The following FBXL7 variants were observed in gnomAD, a reference collection of about 807,000 sequenced individuals.
FBXL7 encodes F-box/LRR-repeat protein 7.
Under a neutral mutation model 38.3 loss-of-function variants are expected in FBXL7, and 12 were observed. The observed-to-expected ratio is 0.31, with a 90% CI of 0.20 to 0.51. The LOEUF is 0.51. Ranked by LOEUF, FBXL7 falls within the 20% of genes least tolerant of loss-of-function variation. FBXL7 has a pLI of 0.98. For synonymous variants in FBXL7, 297 were observed against 300.9 expected, an observed-to-expected ratio of 0.99 and a Z score of 0.13; for missense variants, 567 against 676.4, an observed-to-expected ratio of 0.84 and a Z score of 1.79.
chr5:15,508,401 A>G (rs2126351613), intron 1 of FBXL7, among the ~76,000 whole-genome samples: 1 of 152,312 alleles, frequency 6.6e-6, no homozygotes, highest in East Asian at 1.9e-4. Context: ...TAGACTTCAG[A>G]GTGCTGAACA....
At chr5:15,895,696 T>C (rs1000700708) in intron 2 of FBXL7, among the ~76,000 whole-genome samples, 3 of 139,020 alleles carry the variant, frequency 2.2e-5, no homozygotes, top group African/African-American at 8.3e-5. Flanking sequence ...GGCTCTGGAG[T>C]GCAGTGGCGC....
At chr5:15,749,781 C>G (rs1736109581) in intron 2 of FBXL7, among the ~76,000 whole-genome samples, 1 of 152,206 alleles carries the variant, frequency 6.6e-6, no homozygotes, top group Non-Finnish European at 1.5e-5. Flanking sequence ...GCTTGACTTA[C>G]CCAGCTCACC....
chr5:15,555,272 G>T (rs999641392), intron 1 of FBXL7, among the ~76,000 whole-genome samples: 4 of 152,140 alleles, frequency 2.6e-5, no homozygotes, highest in Non-Finnish European at 2.9e-5. Flanking sequence ...TCTTACTTCC[G>T]GTACAGAGGC....
In FBXL7 at chr5:15,846,494, A is replaced by C. The variant is rs1396748332; in HGVS notation, c.128-81396A>C. On this transcript the variant is annotated intron_variant, in intron 2 of 3. Transcript: ENST00000504595. ...AGCTCCAAGCCAGAAGATGTTCTGG[A>C]GTTTCACCAAGAGAATGCAAGGGTA... Among the ~76,000 whole-genome samples the C allele has an allele frequency of 9.2e-5, 14 of 152,328 alleles. No homozygotes were observed. The East Asian group carries it at 2.7e-3, about 29-fold the overall frequency.
chr5:15,689,582 TAGAA>T (rs1337561528), intron 2 of FBXL7, among the ~76,000 whole-genome samples: 1 of 152,148 alleles, frequency 6.6e-6, no homozygotes, highest in Non-Finnish European at 1.5e-5. Flanking sequence ...ATCTATAAAA[TAGAA>T]AAATAATAAT....
chr5:15,642,217 G>A (rs1420434531), intron 2 of FBXL7, among the ~76,000 whole-genome samples: 2 of 152,072 alleles, frequency 1.3e-5, no homozygotes, highest in African/African-American at 2.4e-5. Context: ...CTGCTATTAT[G>A]TGCTTAAGTG....
intron 2 of FBXL7, among the ~76,000 whole-genome samples, chr5:15,858,504 G>T (rs2126803294): frequency 6.6e-6 from 1 of 152,148 alleles, no homozygotes; most frequent in East Asian, 1.9e-4. Flanking sequence ...TTCTTTGAGG[G>T]CATTTATTGT....
At chr5:15,565,177 A>G (rs555960897) in intron 1 of FBXL7, among the ~76,000 whole-genome samples, 1 of 152,244 alleles carries the variant, frequency 6.6e-6, no homozygotes, top group South Asian at 2.1e-4. Flanking sequence ...CATGCCATAA[A>G]AATATGATTA....
chr5:15,631,887 G>A (rs897071961), intron 2 of FBXL7, among the ~76,000 whole-genome samples: 6 of 152,016 alleles, frequency 3.9e-5, no homozygotes, highest in Non-Finnish European at 4.4e-5. Context: ...GACCTAACAT[G>A]TTCCTGATGC....
chr5:15,914,625 C>G (rs1053516813), intron 2 of FBXL7, among the ~76,000 whole-genome samples: 1 of 152,156 alleles, frequency 6.6e-6, no homozygotes, highest in African/African-American at 2.4e-5. Flanking sequence ...AACAAAAGAC[C>G]TGAAAATGAA....
intron 1 of FBXL7, among the ~76,000 whole-genome samples, chr5:15,561,462 G>A (rs750967042): frequency 2.0e-5 from 3 of 152,044 alleles, no homozygotes; most frequent in Non-Finnish European, 4.4e-5. Flanking sequence ...GCATTCATCC[G>A]CTGATGGATA....
At chr5:15,655,161 A>G (rs993366220) in intron 2 of FBXL7, among the ~76,000 whole-genome samples, 1 of 152,230 alleles carries the variant, frequency 6.6e-6, no homozygotes, top group African/African-American at 2.4e-5. Flanking sequence ...GAAAATAAGC[A>G]AAGGTTACAC....
At chr5:15,616,778 T>A (rs1740468408) in intron 2 of FBXL7, among the ~76,000 whole-genome samples, 1 of 152,228 alleles carries the variant, frequency 6.6e-6, no homozygotes, top group South Asian at 2.1e-4. Context: ...GCTCTTTTTA[T>A]TTTAATGTTA....
At chr5:15,876,066 G>A (rs1307935087) in intron 2 of FBXL7, among the ~76,000 whole-genome samples, 5 of 152,190 alleles carry the variant, frequency 3.3e-5, no homozygotes, top group Non-Finnish European at 7.4e-5. Context: ...GGAATAATAT[G>A]CAGCCATAAA....
At chr5:15,809,399 C>T (rs1332167571) in intron 2 of FBXL7, among the ~76,000 whole-genome samples, 1 of 152,118 alleles carries the variant, frequency 6.6e-6, no homozygotes, top group East Asian at 1.9e-4. Flanking sequence ...TGCTTTCCCT[C>T]CCTAAAATAT....
chr5:15,572,995 T>A (rs997344212), intron 1 of FBXL7, among the ~76,000 whole-genome samples: 2 of 152,192 alleles, frequency 1.3e-5, no homozygotes, highest in African/African-American at 4.8e-5. Context: ...TCAGGGAATA[T>A]GTCTCACTCT....
chr5:15,656,579 A>G (rs1580438397), intron 2 of FBXL7, among the ~76,000 whole-genome samples: 1 of 152,090 alleles, frequency 6.6e-6, no homozygotes, highest in South Asian at 2.1e-4. Flanking sequence ...GTTATCTCCC[A>G]CCCGGTCCCT....
At chr5:15,799,543 G>A (rs1459018035) in intron 2 of FBXL7, among the ~76,000 whole-genome samples, 1 of 151,890 alleles carries the variant, frequency 6.6e-6, no homozygotes, top group Non-Finnish European at 1.5e-5. Flanking sequence ...TGTATTTTTA[G>A]TAGAGACGGG....
intron 2 of FBXL7, among the ~76,000 whole-genome samples, chr5:15,828,295 A>T (rs965384030): frequency 6.6e-6 from 1 of 152,208 alleles, no homozygotes; most frequent in African/African-American, 2.4e-5. Flanking sequence ...AAAGATATAT[A>T]ACACCCAGAT....
Sources: gnomAD v4.1 joint callset for allele counts (sites outside exome capture counted in the v4.1 genomes callset) on GRCh38, gnomAD v4.1.1 for gene constraint, MANE v1.5 for transcripts, NCBI Gene and HGNC (gene_info 2026-07-23, HGNC 2026-07-21) for gene names.